SLC35A1: variants seen among roughly 807,000 people sequenced by gnomAD.
The protein encoded by SLC35A1 is solute carrier family 35 member A1, also known as CMP-sialic acid transporter.
Under a neutral mutation model 40.3 loss-of-function variants are expected in SLC35A1, and 21 were observed. The observed-to-expected ratio is 0.52, with a 90% CI of 0.37 to 0.75. The LOEUF (loss-of-function observed/expected upper bound fraction) is 0.75. Ranked by LOEUF, SLC35A1 falls within the 30% of genes least tolerant of loss-of-function variation. The pLI is 0.00. For synonymous variants in SLC35A1, 146 were observed against 147.3 expected (o/e 0.99, Z 0.06); for missense variants, 297 against 382.1 (o/e 0.78, Z 1.86).
chr6:87,485,781 G>C (rs1261643193), intron 2 of SLC35A1, among the ~76,000 whole-genome samples: 1 of 151,780 alleles, frequency 6.6e-6, no homozygotes, highest in African/African-American at 2.4e-5. Context: ...AAAAAAATTA[G>C]AAGAACTTAG....
intron 4 of SLC35A1, among the ~76,000 whole-genome samples, chr6:87,505,729 T>C (rs1770059417): frequency 6.6e-6 from 1 of 152,206 alleles, no homozygotes; most frequent in Non-Finnish European, 1.5e-5. Flanking sequence ...ACCTGCTCCC[T>C]CAATAACTAA....
At chr6:87,508,848 ATTGTTTTGGAAAAACAGTG>A (rs1303109854) in intron 6 of SLC35A1, among the ~76,000 whole-genome samples, 174 bp from the exon 7 acceptor site, 3 of 150,932 alleles carry the variant, frequency 2.0e-5, no homozygotes, top group Non-Finnish European at 4.4e-5. Flanking sequence ...CCCTCTGGGC[ATTGTTTTGGAAAAACAGTG>A]TTATATAGGA....
chr6:87,473,257 G>T (rs1768970219), intron 1 of SLC35A1, among the ~76,000 whole-genome samples: 1 of 152,180 alleles, frequency 6.6e-6, no homozygotes, highest in African/African-American at 2.4e-5. Context: ...GTCAGAGACC[G>T]CACTGACCTC....
chr6:87,499,046 C>T (rs928544500), intron 2 of SLC35A1: 1 of 798,488 alleles, frequency 1.3e-6, no homozygotes, highest in African/African-American at 1.9e-5. Flanking sequence ...TTTGGTAATA[C>T]AAAGAGATCT....
In SLC35A1 at chr6:87,489,994, C is replaced by T. The variant is rs183949146; in HGVS notation, c.195-10514C>T. On this transcript the variant is annotated intron_variant, in intron 2 of 7. Transcript: ENST00000369552. ...CTGTAATCACAGCACTTTGGGAGGC[C>T]GAGGTGGGTGGATTGCTTGAGGCCA... Among the ~76,000 whole-genome samples, 4 of 151,978 alleles carry T rather than the reference C, an allele frequency of 2.6e-5. No homozygotes were observed. In the East Asian group the frequency reaches 5.8e-4, roughly 22 times the overall value.
intron 2 of SLC35A1, among the ~76,000 whole-genome samples, chr6:87,496,670 C>T (rs910237335): frequency 1.3e-5 from 2 of 150,722 alleles, no homozygotes; most frequent in African/African-American, 4.9e-5. Context: ...CTCCCACTTA[C>T]TTGGGAGGCT....
rs533670570 is a variant in SLC35A1 at position 87,500,740 on chromosome 6, A to G, written c.354+73A>G. The G allele has an allele frequency of 2.2e-4, 322 of 1,432,106 alleles. 2 individuals are homozygous for G. The African/African-American group carries it at 4.4e-3, about 19-fold the overall frequency. The allele number at this position is 1,432,106 out of a possible 1,614,324, so 88.7% of individuals were successfully genotyped here. On this transcript the variant is annotated intron_variant, in intron 3 of 7. Coordinates refer to ENST00000369552, the MANE Select transcript of SLC35A1 (RefSeq NM_006416.5). ...AAAGAGTTTTTATTAACTCTTTATC[A>G]TATTATCAATTTTTTTTTTTTTTTT...
At chr6:87,492,681 T>C (rs189275067) in intron 2 of SLC35A1, among the ~76,000 whole-genome samples, 93 of 151,724 alleles carry the variant, frequency 6.1e-4, no homozygotes, top group Middle Eastern at 3.4e-3. Flanking sequence ...CCAAGTAGGA[T>C]TGGGATTACA....
At position 87,511,579 on chromosome 6, in the gene SLC35A1, G is replaced by C; in HGVS notation, c.*53G>C. The C allele has an allele frequency of 1.3e-6, 2 of 1,585,790 alleles. No individual in the cohort carries two copies. The highest frequency in any genetic ancestry group is 1.7e-6 in the Non-Finnish European group (2 of 1,154,542). ...AGACTAAACCATTTGCATTAAACTA[G>C]AGCCTTAAGTCAATCTCAGAAGGTA... is the stretch of plus-strand genomic sequence containing the variant. On this transcript the variant is annotated 3_prime_UTR_variant, in exon 8 of 8. Coordinates refer to ENST00000369552, the MANE Select transcript of SLC35A1 (RefSeq NM_006416.5).
Position 87,509,093 on chromosome 6 carries a change from C to T in SLC35A1, c.804C>T (p.Asp268=). Residue 268 remains aspartate, a synonymous_variant, in exon 7 of 8, where the codon GAC becomes GAT. Coordinates refer to ENST00000369552, the MANE Select transcript of SLC35A1 (RefSeq NM_006416.5). ...LYTSVVVKYT[D]NIMKGFSAAA... is the part of the protein sequence containing the mutation. ...CTTCTGTTGTGGTTAAGTACACAGA[C>T]AACATCATGAAAGGCTTTTCTGCAG... 6.2e-7 allele frequency: 1 copy of T among 1,614,066 alleles called. No individual in the cohort carries two copies. Among genetic ancestry groups the T allele is most frequent in the Admixed American group, 1.7e-5 (1 of 60,020 alleles).
intron 2 of SLC35A1, 86 bp from the exon 3 acceptor site, chr6:87,500,422 T>A: frequency 1.5e-6 from 2 of 1,320,678 alleles, no homozygotes; most frequent in East Asian, 4.7e-5. Flanking sequence ...AGTATGCTTG[T>A]CCTGTGTTTG....
chr6:87,508,967 A>T, intron 6 of SLC35A1, 74 bp from the exon 7 acceptor site: 1 of 1,490,782 alleles, frequency 6.7e-7, no homozygotes. Flanking sequence ...ATCTCTGGGG[A>T]TGAAAATTGC....
chr6:87,502,509 G>A (rs1331575322), intron 4 of SLC35A1, among the ~76,000 whole-genome samples: 1 of 152,156 alleles, frequency 6.6e-6, no homozygotes, highest in Non-Finnish European at 1.5e-5. Flanking sequence ...ACAGTATATA[G>A]CCTATTGTTC....
At chr6:87,494,589 T>A (rs7383567) in intron 2 of SLC35A1, among the ~76,000 whole-genome samples, 60,243 of 151,042 alleles carry the variant, frequency 0.4, 12,177 homozygotes, top group Admixed American at 0.47. Flanking sequence ...CGCCTGGCTA[T>A]TTTTTTTTGT....
chr6:87,509,982 T>G (rs1770211753), intron 7 of SLC35A1, among the ~76,000 whole-genome samples: 1 of 152,238 alleles, frequency 6.6e-6, no homozygotes, highest in Non-Finnish European at 1.5e-5. Flanking sequence ...ATTTTAAAAT[T>G]GACTCCTGTA....
chr6:87,494,422 ATTT>A (rs61583010), intron 2 of SLC35A1, among the ~76,000 whole-genome samples: 10 of 132,808 alleles, frequency 7.5e-5, no homozygotes, highest in Admixed American at 1.5e-4. Context: ...AAATATTTGA[ATTT>A]TTTTTTTTTT....
rs756616378 is a variant in SLC35A1, at chr6:87,477,525, G to A, written c.180G>A (p.Val60=). ...AAGTTATAAAGTTATTGCTAAGTGT[G>A]GGAATTTTAGCTAAGTGAGTATAAA... is the stretch of plus-strand genomic sequence containing the variant. ...ITEVIKLLLS[V]GILAKETGSL... The change falls in exon 2 of 8, where the codon GTG becomes GTA. Residue 60 remains valine, a synonymous_variant. Transcript: ENST00000369552. 1.5e-5 allele frequency: 24 copies of A among 1,613,156 alleles called. No individual in the cohort carries two copies. The highest frequency in any genetic ancestry group is 2.0e-5 in the Non-Finnish European group (23 of 1,179,312).
intron 2 of SLC35A1, among the ~76,000 whole-genome samples, chr6:87,498,009 TG>T (rs1364449310): frequency 6.6e-6 from 1 of 151,924 alleles, no homozygotes; most frequent in Admixed American, 6.6e-5. Flanking sequence ...GATACAGGTG[TG>T]AGCCACCACA....
In SLC35A1 at chr6:87,512,047, G is replaced by GAA. The variant is rs10694624; in HGVS notation, c.*521_*522insAA. Reference sequence around the variant, plus strand: ...AGACAGGCTAGTTCATAAACAAACTGTGTAACTTCTCAAAATGAATCTATT... The same window carrying GAA: ...AGACAGGCTAGTTCATAAACAAACTGAATGTAACTTCTCAAAATGAATCTATT... On this transcript the variant is annotated 3_prime_UTR_variant, in exon 8 of 8. Transcript: ENST00000369552. The GAA allele has an allele frequency of 0.25, 40,059 of 160,908 alleles. 5,607 individuals carry two copies. The highest frequency in any genetic ancestry group is 0.37 in the Admixed American group (6,319 of 16,910). The allele number at this position is 160,908 out of a possible 1,614,324, so 10.0% of individuals were successfully genotyped here.
Sources: allele counts gnomAD v4.1 joint callset (sites outside exome capture counted in the v4.1 genomes callset), GRCh38; gene constraint gnomAD v4.1.1; transcripts MANE v1.5; gene names NCBI Gene and HGNC (gene_info 2026-07-23, HGNC 2026-07-21).